Variants in GPM6B observed in about 807,000 individuals in gnomAD.
GPM6B encodes the protein glycoprotein M6B, also known as neuronal membrane glycoprotein M6-b.
Under a neutral mutation model 27.2 loss-of-function variants are expected in GPM6B, and 4 were observed. That is an observed-to-expected ratio of 0.15 (90% CI 0.07 to 0.34). The LOEUF is 0.34. GPM6B is among the 10% of genes least tolerant of loss of function. GPM6B has a pLI of 1.00. For missense variants in GPM6B, 183 were observed against 261.9 expected (o/e 0.70, Z 2.08); for synonymous variants, 124 against 103.1 (o/e 1.20, Z -1.23).
intron 1 of GPM6B, among the ~76,000 whole-genome samples, chrX:13,841,950 A>G (rs1384286545): frequency 3.6e-5 from 4 of 111,753 alleles, no homozygotes; most frequent in African/African-American, 1.3e-4. Flanking sequence ...TATTCTATTC[A>G]TCTTCAAGGT....
At chrX:13,898,735 A>G (rs995394387) in intron 1 of GPM6B, among the ~76,000 whole-genome samples, 2 of 111,853 alleles carry the variant, frequency 1.8e-5, no homozygotes, top group African/African-American at 6.5e-5. Flanking sequence ...ATTTCTTTAT[A>G]TAGAGAAACT....
At chrX:13,904,011 T>G (rs6629408) in intron 1 of GPM6B, among the ~76,000 whole-genome samples, 12,608 of 110,913 alleles carry the variant, frequency 0.11, 739 homozygotes, top group East Asian at 0.35. Context: ...CAGGGCTTCT[T>G]AGACTCCCTG....
chrX:13,787,614 A>G (rs1194116081), intron 2 of GPM6B, among the ~76,000 whole-genome samples: 2 of 112,413 alleles, frequency 1.8e-5, no homozygotes, highest in Admixed American at 1.9e-4. Flanking sequence ...GCAAGTCAGT[A>G]TCTTAAAGAG....
At chrX:13,894,103 G>A (rs756235129) in intron 1 of GPM6B, among the ~76,000 whole-genome samples, 2 of 111,826 alleles carry the variant, frequency 1.8e-5, no homozygotes, top group Non-Finnish European at 3.8e-5. Context: ...CTGTCACTTG[G>A]GAAAAGGTTG....
chrX:13,848,973 A>G (rs767381639), intron 1 of GPM6B, among the ~76,000 whole-genome samples: 3 of 112,268 alleles, frequency 2.7e-5, no homozygotes, highest in Non-Finnish European at 5.6e-5. Flanking sequence ...ATGTAAGCCC[A>G]TTTACATAAA....
intron 1 of GPM6B, among the ~76,000 whole-genome samples, chrX:13,934,881 T>G (rs2147084499): frequency 9.0e-6 from 1 of 111,675 alleles, no homozygotes; most frequent in South Asian, 3.8e-4. Flanking sequence ...CCAGGGCCTC[T>G]CTGCTTAACA....
At chrX:13,780,067 T>A in intron 4 of GPM6B, 78 bp from the exon 5 acceptor site, 1 of 898,018 alleles carries the variant, frequency 1.1e-6, no homozygotes, top group East Asian at 3.2e-5. Context: ...GATTGTGCAT[T>A]TTCAGGCCCA....
intron 1 of GPM6B, among the ~76,000 whole-genome samples, chrX:13,877,958 T>A (rs2050055860): frequency 9.2e-6 from 1 of 108,300 alleles, no homozygotes; most frequent in South Asian, 4.1e-4. Flanking sequence ...TTTTCTTACA[T>A]AAGCACAACA....
chrX:13,923,138 T>C (rs1921012252), intron 1 of GPM6B, among the ~76,000 whole-genome samples: 1 of 109,567 alleles, frequency 9.1e-6, no homozygotes, highest in African/African-American at 3.3e-5. Context: ...ATCACGCCAT[T>C]GCACTCCAGC....
At chrX:13,831,574 G>A (rs1569243287) in intron 1 of GPM6B, among the ~76,000 whole-genome samples, 1 of 111,238 alleles carries the variant, frequency 9.0e-6, no homozygotes, top group Non-Finnish European at 1.9e-5. Context: ...TCCTCTGACT[G>A]TACAGGTCAA....
chrX:13,838,801 T>TA (rs756699787), intron 1 of GPM6B, among the ~76,000 whole-genome samples: 17 of 111,770 alleles, frequency 1.5e-4, no homozygotes, highest in African/African-American at 5.2e-4. Flanking sequence ...ATTGCCTTTA[T>TA]TAGAGGCCTA....
intron 1 of GPM6B, among the ~76,000 whole-genome samples, chrX:13,851,300 C>A (rs2049715768): frequency 9.0e-6 from 1 of 111,402 alleles, no homozygotes; most frequent in Non-Finnish European, 1.9e-5. Context: ...ACCTCTGCCA[C>A]TTACCAGCAA....
At chrX:13,878,625 A>T (rs1192263911) in intron 1 of GPM6B, among the ~76,000 whole-genome samples, 5 of 111,355 alleles carry the variant, frequency 4.5e-5, no homozygotes, top group African/African-American at 1.6e-4. Context: ...GGTAGGCAGC[A>T]TCATACCCCC....
At chrX:13,795,958 C>T (rs2048807253) in intron 2 of GPM6B, among the ~76,000 whole-genome samples, 2 of 109,338 alleles carry the variant, frequency 1.8e-5, no homozygotes, top group Admixed American at 2.0e-4. Context: ...TGGAGTTTCA[C>T]TCTTGTTGCC....
intron 1 of GPM6B, among the ~76,000 whole-genome samples, chrX:13,936,551 G>A (rs1170489005): frequency 8.9e-6 from 1 of 112,180 alleles, no homozygotes; most frequent in African/African-American, 3.2e-5. Context: ...ACCAGTTCAT[G>A]GCCCTGTGGT....
chrX:13,894,912 CCTCT>C (rs764034585), intron 1 of GPM6B, among the ~76,000 whole-genome samples: 10 of 112,062 alleles, frequency 8.9e-5, no homozygotes, highest in African/African-American at 3.2e-4. Flanking sequence ...TATCTCTTAT[CCTCT>C]CTGACAACTG....
intron 1 of GPM6B, among the ~76,000 whole-genome samples, chrX:13,841,147 A>G (rs143707591): frequency 0.02 from 2,270 of 112,094 alleles, 55 homozygotes; most frequent in African/African-American, 0.07. Context: ...ATATGTATCC[A>G]TGCACATATA....
Position 13,878,697 on chromosome X carries a change from G to A in GPM6B, c.-198+59630C>T, listed in dbSNP as rs1228025488. Among the ~76,000 whole-genome samples the A allele has an allele frequency of 4.5e-5, 5 of 111,615 alleles. No individual in the cohort carries two copies. The South Asian group carries it at 1.9e-3, about 42-fold the overall frequency. ...GTGAATTACATGACATGGCAAACGGGGGATTAAGGTTGCAGATAGAATTAA... is the reference window on the plus strand; with the variant it reads ...GTGAATTACATGACATGGCAAACGGAGGATTAAGGTTGCAGATAGAATTAA... On this transcript the variant is annotated intron_variant, in intron 1 of 6. Coordinates refer to the GPM6B transcript ENST00000398361.
intron 7 of GPM6B, 116 bp from the exon 8 acceptor site, chrX:13,773,146 A>AATT: frequency 1.8e-6 from 1 of 571,224 alleles, no homozygotes. Context: ...CTGTATTAAT[A>AATT]AATACTCGCT....
Sources: gnomAD v4.1 joint callset for allele counts (sites outside exome capture counted in the v4.1 genomes callset) on GRCh38, gnomAD v4.1.1 for gene constraint, MANE v1.5 for transcripts, NCBI Gene and HGNC (gene_info 2026-07-23, HGNC 2026-07-21) for gene names.